TEDC2: variants seen among roughly 807,000 people sequenced by gnomAD.
The protein encoded by TEDC2 is tubulin epsilon and delta complex protein 2.
Under a neutral mutation model 48.1 loss-of-function variants are expected in TEDC2, and 49 were observed. The observed-to-expected ratio is 1.02, with a 90% confidence interval of 0.81 to 1.29. TEDC2 has a LOEUF of 1.29. TEDC2 is among the 50% of genes most tolerant of loss of function. TEDC2 has a pLI of 0.00. For missense variants in TEDC2, 631 were observed against 571.4 expected (o/e 1.10, Z -1.06); for synonymous variants, 299 against 247.1 (o/e 1.21, Z -1.97).
intron 9 of TEDC2, 23 bp downstream of exon 9, chr16:2,464,252 G>T: frequency 6.2e-7 from 1 of 1,606,274 alleles, no homozygotes; most frequent in Non-Finnish European, 8.5e-7. Context: ...GAGGAGGTGG[G>T]GGTGCAACAG....
intron 2 of TEDC2, 100 bp downstream of exon 2, chr16:2,460,481 G>A: frequency 6.7e-7 from 1 of 1,496,728 alleles, no homozygotes; most frequent in South Asian, 1.2e-5. Context: ...CGCCCACTTC[G>A]GAGCTGTGGG....
In TEDC2 at chr16:2,464,517, C is replaced by T; in HGVS notation, c.1156-5C>T. ...GACCTTGGCCCTGCCCTGCCCTGCC[C>T]CCAGGTCCTGATGGCTGAACTCCTC... On this transcript the variant is annotated splice_region_variant and splice_polypyrimidine_tract_variant and intron_variant, in intron 9 of 9. Coordinates refer to ENST00000361837, the MANE Select transcript of TEDC2 (RefSeq NM_025108.3). 1 of 1,561,102 alleles carries T rather than the reference C, an allele frequency of 6.4e-7. No individual in the cohort carries two copies. Among genetic ancestry groups the T allele is most frequent in the Non-Finnish European group, 8.6e-7 (1 of 1,161,824 alleles).
chr16:2,461,681 C>A, intron 4 of TEDC2, 66 bp from the exon 5 acceptor site: 2 of 1,584,802 alleles, frequency 1.3e-6, no homozygotes, highest in Non-Finnish European at 8.7e-7. Context: ...GGGCTCTGAG[C>A]AGGAAGTGGG....
intron 9 of TEDC2, 80 bp downstream of exon 9, chr16:2,464,309 C>T (rs779939753): frequency 4.0e-6 from 6 of 1,490,468 alleles, no homozygotes; most frequent in Non-Finnish European, 4.5e-6. Context: ...GACTGCTCCA[C>T]CCCCCAGGAC....
chr16:2,461,101 G>T lies in TEDC2; in HGVS notation c.482G>T (p.Gly161Val), dbSNP rs936026838. ...GHPERRLLSV[G>V]DGTRVGMGAR... ...CCTGAGCGCCGGCTGCTGTCAGTGG[G>T]GGATGGGACCCGTGTTGGGATGGGA... The change falls in exon 4 of 10, where the codon GGG becomes GTG. Residue 161 changes from glycine to valine, a missense_variant. By Grantham distance (109) the Gly-to-Val change is moderately radical (BLOSUM62 -3). Transcript: ENST00000361837. The T allele has an allele frequency of 3.1e-6, 5 of 1,588,740 alleles. No homozygotes were observed. The African/African-American group carries it at 6.7e-5, about 21-fold the overall frequency.
Position 2,460,648 on chromosome 16 carries a change from A to C in TEDC2, c.151A>C (p.Lys51Gln), listed in dbSNP as rs746870541. The C allele has an allele frequency of 1.9e-6, 3 of 1,612,984 alleles. No homozygotes were observed. The highest frequency in any genetic ancestry group is 1.1e-5 in the South Asian group (1 of 91,078). Residue 51 changes from lysine to glutamine, a missense_variant, in exon 3 of 10, where the codon AAG becomes CAG. Transcript: ENST00000361837. ...AWEPTGTRALKPPPGPETNGE... is the reference protein window; with the variant it reads ...AWEPTGTRALQPPPGPETNGE... ...GGAACCAACTGGGACCCGGGCTTTG[A>C]AGCCACCTCCAGGGCCAGAAACTAA...
chr16:2,462,727 G>A lies in TEDC2; in HGVS notation c.959G>A (p.Arg320His), dbSNP rs114328627. 6.8e-4 allele frequency: 1,047 copies of A among 1,539,840 alleles called. 8 individuals are homozygous for A. The African/African-American group carries it at 0.012, about 17-fold the overall frequency. The change falls in exon 8 of 10, where the codon CGT (arginine) becomes CAT (histidine). Residue 320 changes from arginine (R) to histidine (H), a missense_variant. Transcript: ENST00000361837. ...GQCLHRLQEL[R>H]AAVAEQPPRP... ...TGTCTGCACAGGCTGCAGGAGCTGC[G>A]TGCAGGTGAGACCCCGCCCCCACCC...
At position 2,460,187 on chromosome 16, in the gene TEDC2, A is replaced by G. The variant is rs1269389768; in HGVS notation, c.26+17A>G. 1 of 894,184 alleles carries G rather than the reference A, an allele frequency of 1.1e-6. No individual in the cohort carries two copies. Among genetic ancestry groups the G allele is most frequent in the South Asian group, 1.8e-5 (1 of 54,278 alleles). The allele number at this position is 894,184 out of a possible 1,614,324, so 55.4% of individuals were successfully genotyped here. A position where few individuals can be genotyped will look rare whatever the true frequency, so the allele number is the denominator to read the frequency against. ...CTCGCGCCGGTGAGGCCTGCGCGGC[A>G]GGAGGGGGTGGGAGGATGCGGGCGG... On this transcript the variant is annotated intron_variant, in intron 1 of 9. Transcript: ENST00000361837.
At position 2,464,697 on chromosome 16, in the gene TEDC2, C is replaced by A; in HGVS notation, c.*29C>A. On this transcript the variant is annotated 3_prime_UTR_variant, in exon 10 of 10. Transcript: ENST00000361837. ...TTTCCCATGCTGCCCTCGGCCTGTT[C>A]AGATGGGGATTGGGGGTGTCTTCCC... 1.2e-6 allele frequency: 2 copies of A among 1,611,756 alleles called. No homozygotes were observed. Among genetic ancestry groups the A allele is most frequent in the Non-Finnish European group, 1.7e-6 (2 of 1,179,582 alleles).
At chr16:2,460,535 G>T in intron 2 of TEDC2, 88 bp from the exon 3 acceptor site, 1 of 1,560,180 alleles carries the variant, frequency 6.4e-7, no homozygotes, top group Non-Finnish European at 8.7e-7. Flanking sequence ...TGAGCTGGGG[G>T]CCTGCCGCGG....
At chr16:2,462,895 G>A (rs1429078480) in intron 8 of TEDC2, among the ~76,000 whole-genome samples, 163 bp downstream of exon 8, 1 of 152,214 alleles carries the variant, frequency 6.6e-6, no homozygotes, top group East Asian at 1.9e-4. Flanking sequence ...CAGTGTGCTG[G>A]GTCCTCACCA....
intron 4 of TEDC2, 66 bp downstream of exon 4, chr16:2,461,290 G>T: frequency 7.0e-7 from 1 of 1,426,250 alleles, no homozygotes. Context: ...GGCTAGCAAG[G>T]AGCCTGGGAT....
Position 2,461,054 on chromosome 16 carries a change from C to T in TEDC2, c.435C>T (p.Thr145=). Residue 145 remains threonine (T), a synonymous_variant, in exon 4 of 10, where the codon ACC becomes ACT. Coordinates refer to ENST00000361837, the MANE Select transcript of TEDC2 (RefSeq NM_025108.3). ...GACCCACCAAGGGCCTCCGCCAGAC[C>T]ACGGTGCCTGCCAAGGGCCACCCTG... The part of the protein sequence containing the change: ...DTRPTKGLRQ[T]TVPAKGHPER... 2 of 1,605,990 alleles carry T rather than the reference C, an allele frequency of 1.2e-6. No homozygotes were observed. The highest frequency in any genetic ancestry group is 1.7e-6 in the Non-Finnish European group (2 of 1,174,818).
At chr16:2,462,000 C>T (rs2065469779) in intron 5 of TEDC2, 149 bp from the exon 6 acceptor site, 13 of 1,078,022 alleles carry the variant, frequency 1.2e-5, no homozygotes, top group Non-Finnish European at 1.6e-5. Context: ...CCTGCGGCCT[C>T]TGGAGGCCCC....
intron 5 of TEDC2, 138 bp downstream of exon 5, chr16:2,461,938 C>A: frequency 7.9e-7 from 1 of 1,259,302 alleles, no homozygotes; most frequent in South Asian, 1.3e-5. Flanking sequence ...TGTTAAAAAT[C>A]TGCCAGCCGG....
intron 8 of TEDC2, 48 bp from the exon 9 acceptor site, chr16:2,463,991 C>G (rs773230889): frequency 6.4e-7 from 1 of 1,571,544 alleles, no homozygotes; most frequent in South Asian, 1.1e-5. Flanking sequence ...AAAGCGGGGC[C>G]CTGGGTTCGG....
At chr16:2,462,809 C>A in intron 8 of TEDC2, 77 bp downstream of exon 8, 1 of 1,355,168 alleles carries the variant, frequency 7.4e-7, no homozygotes, top group Non-Finnish European at 9.9e-7. Flanking sequence ...GGCTTGTCTG[C>A]GCCTCAGGGA....
chr16:2,460,964 T>C lies in TEDC2; in HGVS notation c.345T>C (p.Ser115=). 6.2e-7 allele frequency: 1 copy of C among 1,613,454 alleles called. No individual in the cohort carries two copies. Among genetic ancestry groups the C allele is most frequent in the Non-Finnish European group, 8.5e-7 (1 of 1,180,004 alleles). The stretch of plus-strand genomic sequence containing the variant: ...AATCTAGGTCCATTGTCACCTCTTC[T>C]GGCACGACAGCCTCCGCCCCACCGC... The part of the protein sequence containing the change: ...SLKSRSIVTS[S]GTTASAPPHS... The change falls in exon 4 of 10, where the codon TCT becomes TCC. Residue 115 remains serine (S), a synonymous_variant. Coordinates refer to ENST00000361837, the MANE Select transcript of TEDC2 (RefSeq NM_025108.3).
At position 2,464,796 on chromosome 16, in the gene TEDC2, A is replaced by G. The variant is rs1473753974; in HGVS notation, c.*128A>G. On this transcript the variant is annotated 3_prime_UTR_variant, in exon 10 of 10. Coordinates refer to ENST00000361837, the MANE Select transcript of TEDC2 (RefSeq NM_025108.3). ...CTGGTGAACTGGACCAGGTGGCCTC[A>G]CTGGCTCTTCTCAGGACAACTAAGC... 9.8e-6 allele frequency: 13 copies of G among 1,320,506 alleles called. No homozygotes were observed. Among genetic ancestry groups the G allele is most frequent in the Middle Eastern group, 3.8e-4 (2 of 5,216 alleles). 81.8% of individuals were successfully genotyped at this position (1,320,506 alleles called of 1,614,324 possible). A position where few individuals can be genotyped will look rare whatever the true frequency, so the allele number is the denominator to read the frequency against.
Sources: allele counts gnomAD v4.1 joint callset (sites outside exome capture counted in the v4.1 genomes callset), GRCh38; gene constraint gnomAD v4.1.1; transcripts MANE v1.5; gene names NCBI Gene and HGNC (gene_info 2026-07-23, HGNC 2026-07-21).